TERF1: variants seen among roughly 807,000 people sequenced by gnomAD.
The protein encoded by TERF1 is telomeric repeat-binding factor 1.
In TERF1, 20 loss-of-function variants were observed where a neutral mutation model predicts 55.1. That is an observed-to-expected ratio of 0.36 (90% confidence interval 0.26 to 0.53). TERF1 has a LOEUF of 0.53. Ranked by LOEUF, TERF1 falls within the 20% of genes least tolerant of loss-of-function variation. The pLI, the probability that TERF1 is intolerant of heterozygous loss-of-function variation, is 0.91. For missense variants in TERF1, 439 were observed against 535.7 expected (o/e 0.82, Z 1.78); for synonymous variants, 168 against 181.2 (o/e 0.93, Z 0.59).
chr8:73,045,399 T>C (rs1809992273), intron 9 of TERF1, among the ~76,000 whole-genome samples: 1 of 152,228 alleles, frequency 6.6e-6, no homozygotes. Flanking sequence ...TTTTTCTGTG[T>C]ATAGTATTAA....
At position 73,024,955 on chromosome 8, in the gene TERF1, C is replaced by T. The variant is rs1348904763; in HGVS notation, c.758C>T (p.Ser253Leu). 5.7e-6 allele frequency: 9 copies of T among 1,567,116 alleles called. No individual in the cohort carries two copies. Among genetic ancestry groups the T allele is most frequent in the Non-Finnish European group, 6.9e-6 (8 of 1,158,330 alleles). ...YVNYVLSEKS[S>L]TFLMKAAAKV... ...AATTATGTGCTAAGTGAAAAATCATCAACCTTTCTAATGAAGGTATACATA... is the reference window on the plus strand; with the variant it reads ...AATTATGTGCTAAGTGAAAAATCATTAACCTTTCTAATGAAGGTATACATA... Residue 253 changes from serine (S) to leucine (L), a missense_variant, in exon 5 of 10, where the codon TCA becomes TTA. Physicochemically the swap from Ser to Leu is moderately radical, Grantham distance 145. This residue lies in a region of TERF1 where 140 missense variants were observed against 158.6 expected (regional missense o/e 0.88). Transcript: ENST00000276603.
rs778456254 is a variant in TERF1 at position 73,020,749 on chromosome 8, A to G, written c.481A>G (p.Ile161Val). 53 of 1,565,254 alleles carry G rather than the reference A, an allele frequency of 3.4e-5. No individual in the cohort carries two copies. Among genetic ancestry groups the G allele is most frequent in the Non-Finnish European group, 4.6e-5 (53 of 1,140,630 alleles). The stretch of plus-strand genomic sequence containing the variant: ...ATCAGCCCTGATGATTTGGGGTTCA[A>G]TTGAAAAGGAACATGACAAACTTCA... ...LESALMIWGS[I>V]EKEHDKLHEE... is the part of the protein sequence containing the mutation. The change falls in exon 3 of 10, where the codon ATT becomes GTT. Residue 161 changes from isoleucine (I) to valine (V), a missense_variant. Physicochemically the swap from Ile to Val is conservative, Grantham distance 29. Around this residue, in one of 4 missense-constraint regions of TERF1, gnomAD observed 95 missense variants for 167.2 expected, o/e 0.57. Coordinates refer to ENST00000276603, the MANE Select transcript of TERF1 (RefSeq NM_017489.3).
At chr8:73,011,266 G>A (rs943062542) in intron 1 of TERF1, 66 of 152,274 alleles carry the variant, frequency 4.3e-4, no homozygotes, top group African/African-American at 1.5e-3. Flanking sequence ...ATCTGTTGTT[G>A]GCTGGATACA....
intron 6 of TERF1, among the ~76,000 whole-genome samples, chr8:73,027,524 A>G (rs912609033): frequency 1.3e-5 from 2 of 152,214 alleles, no homozygotes; most frequent in Non-Finnish European, 1.5e-5. Context: ...TGTCAGTCCT[A>G]TATATTGAGA....
chr8:73,030,246 A>G, intron 6 of TERF1, 90 bp from the exon 7 acceptor site: 1 of 805,566 alleles, frequency 1.2e-6, no homozygotes, highest in Non-Finnish European at 1.9e-6. Flanking sequence ...TTTTTTATAA[A>G]TTGAAATATG....
intron 5 of TERF1, among the ~76,000 whole-genome samples, chr8:73,025,929 T>G (rs1474449084): frequency 2.0e-5 from 3 of 150,406 alleles, no homozygotes; most frequent in African/African-American, 7.4e-5. Context: ...GCGCAGTGGC[T>G]CATGCCTGTA....
At chr8:73,025,397 T>C (rs1191153313) in intron 5 of TERF1, among the ~76,000 whole-genome samples, 1 of 150,770 alleles carries the variant, frequency 6.6e-6, no homozygotes, top group African/African-American at 2.4e-5. Context: ...GAGGCCAAGT[T>C]TCAGGAGTTC....
intron 2 of TERF1, among the ~76,000 whole-genome samples, chr8:73,018,625 G>A (rs1256801585): frequency 3.3e-5 from 5 of 152,322 alleles, no homozygotes; most frequent in Middle Eastern, 3.4e-3. Context: ...GCAGTAAGCC[G>A]AGATCGCGTC....
chr8:73,035,856 A>G (rs965687280), intron 8 of TERF1, among the ~76,000 whole-genome samples: 2 of 152,162 alleles, frequency 1.3e-5, no homozygotes, highest in African/African-American at 2.4e-5. Context: ...ATTGTTTTTC[A>G]AGAGTATCTT....
intron 8 of TERF1, among the ~76,000 whole-genome samples, chr8:73,036,701 T>C (rs1407863851): frequency 6.6e-6 from 1 of 151,448 alleles, no homozygotes; most frequent in Non-Finnish European, 1.5e-5. Context: ...TACCACATGC[T>C]TTAACTCATC....
chr8:73,037,781 ATATATAATATATAG>A (rs1809637853), intron 8 of TERF1, among the ~76,000 whole-genome samples: 1 of 48,214 alleles, frequency 2.1e-5, no homozygotes, highest in African/African-American at 7.2e-5. Flanking sequence ...TATATATATT[ATATATAATATATAG>A]TATAATAATA....
In TERF1 at chr8:73,047,461, G is replaced by C. The variant is rs1026143914; in HGVS notation, c.*1324G>C. On this transcript the variant is annotated 3_prime_UTR_variant, in exon 10 of 10. Transcript: ENST00000276603. ...TAACTATGATCATCTTGATGTCTAT[G>C]ATAGATAATAAACAAGGTCATACAT... is the stretch of plus-strand genomic sequence containing the variant. 2 of 152,046 alleles carry C rather than the reference G, an allele frequency of 1.3e-5. No individual in the cohort carries two copies. Among genetic ancestry groups the C allele is most frequent in the Admixed American group, 1.3e-4 (2 of 15,268 alleles). 9.4% of individuals were successfully genotyped at this position (152,046 alleles called of 1,614,324 possible). A position where few individuals can be genotyped will look rare whatever the true frequency, so the allele number is the denominator to read the frequency against.
rs1179964639 is a variant in TERF1 at position 73,047,680 on chromosome 8, A to G, written c.*1543A>G. 2 of 152,244 alleles carry G rather than the reference A, an allele frequency of 1.3e-5. No homozygotes were observed. Among genetic ancestry groups the G allele is most frequent in the East Asian group, 1.9e-4 (1 of 5,192 alleles). 9.4% of individuals were successfully genotyped at this position (152,244 alleles called of 1,614,324 possible). A position where few individuals can be genotyped will look rare whatever the true frequency, so the allele number is the denominator to read the frequency against. ...CTATTGTATTTCCTATTAAGGTTTC[A>G]TATATTACTTTCCCATTGTTCCTGA... On this transcript the variant is annotated 3_prime_UTR_variant, in exon 10 of 10. Transcript: ENST00000276603.
chr8:73,038,582 T>C, intron 8 of TERF1: 1 of 158,610 alleles, frequency 6.3e-6, no homozygotes, highest in Non-Finnish European at 1.4e-5. Flanking sequence ...ATCCTATTGC[T>C]AATGAATGAA....
chr8:73,042,049 T>C (rs1314025861), intron 9 of TERF1, among the ~76,000 whole-genome samples: 2 of 152,200 alleles, frequency 1.3e-5, no homozygotes, highest in African/African-American at 4.8e-5. Flanking sequence ...ATTTGTTCTT[T>C]GATGTATCTA....
At chr8:73,017,360 A>G (rs1397112429) in intron 2 of TERF1, among the ~76,000 whole-genome samples, 1 of 152,162 alleles carries the variant, frequency 6.6e-6, no homozygotes, top group African/African-American at 2.4e-5. Context: ...GTCTGCTTGT[A>G]CTACTTGCTT....
intron 6 of TERF1, chr8:73,029,939 G>T: frequency 6.5e-6 from 1 of 154,582 alleles, no homozygotes; most frequent in Middle Eastern, 3.2e-3. Flanking sequence ...AGACTGGTGG[G>T]GAGAACCAGA....
chr8:73,043,202 C>G (rs1243129960), intron 9 of TERF1: 2 of 152,132 alleles, frequency 1.3e-5, no homozygotes, highest in Non-Finnish European at 2.9e-5. Flanking sequence ...CCTTACTTGC[C>G]AGACGATAGC....
rs1040021838 is a variant in TERF1 at position 73,022,118 on chromosome 8, C to T, written c.538-98C>T. The T allele has an allele frequency of 1.6e-5, 11 of 671,132 alleles. No individual in the cohort carries two copies. The Admixed American group carries it at 2.9e-4, about 18-fold the overall frequency. 41.6% of individuals were successfully genotyped at this position (671,132 alleles called of 1,614,324 possible). A position where few individuals can be genotyped will look rare whatever the true frequency, so the allele number is the denominator to read the frequency against. ...TTATTAAGCTACATAAAAATGTTCT[C>T]AACAGAGGATTTCAGACTTACCTGA... On this transcript the variant is annotated intron_variant, in intron 3 of 9. Coordinates refer to ENST00000276603, the MANE Select transcript of TERF1 (RefSeq NM_017489.3).
Sources: allele counts gnomAD v4.1 joint callset (sites outside exome capture counted in the v4.1 genomes callset), GRCh38; gene constraint gnomAD v4.1.1; regional missense constraint gnomAD v4.1.1; transcripts MANE v1.5; gene names NCBI Gene and HGNC (gene_info 2026-07-23, HGNC 2026-07-21).